PFKFB3: variants seen among roughly 807,000 people sequenced by gnomAD.
PFKFB3 encodes the protein 6-phosphofructo-2-kinase/fructose-2,6-biphosphatase 3, also known as 6-phosphofructo-2-kinase/fructose-2,6-bisphosphatase 3.
A neutral mutation model predicts 68.0 loss-of-function variants in PFKFB3; 33 were observed. The observed-to-expected ratio is 0.49, with a 90% CI of 0.37 to 0.65. The LOEUF is 0.65. Ranked by LOEUF, PFKFB3 falls within the 30% of genes least tolerant of loss-of-function variation. The pLI is 0.00. For synonymous variants in PFKFB3, 315 were observed against 288.2 expected, an observed-to-expected ratio of 1.09 and a Z score of -0.94; for missense variants, 586 against 712.2, an observed-to-expected ratio of 0.82 and a Z score of 2.02.
chr10:6,162,947 A>C (rs1842010302), intron 1 of PFKFB3, among the ~76,000 whole-genome samples: 1 of 152,128 alleles, frequency 6.6e-6, no homozygotes, highest in Non-Finnish European at 1.5e-5. Flanking sequence ...TTTTTCATGG[A>C]TGGAGCTGGG....
intron 1 of PFKFB3, among the ~76,000 whole-genome samples, chr10:6,179,964 C>G (rs554441052): frequency 6.6e-6 from 1 of 152,210 alleles, no homozygotes; most frequent in Non-Finnish European, 1.5e-5. Context: ...GAGGTCGATC[C>G]TGGTGACAGG....
rs958723789 is a variant in PFKFB3 at position 6,222,948 on chromosome 10, C to T, written c.1177C>T (p.Arg393Cys). Reference protein sequence around the residue: ...VLVICHQAVLRCLLAYFLDKS... With the variant: ...VLVICHQAVLCCLLAYFLDKS... ...GGTCATCTGCCACCAGGCCGTCCTG[C>T]GCTGCCTGCTTGCCTACTTCCTGGA... Residue 393 changes from arginine to cysteine, a missense_variant, in exon 11 of 15, where the codon CGC (arginine) becomes TGC (cysteine). Coordinates refer to ENST00000379775, the MANE Select transcript of PFKFB3 (RefSeq NM_004566.4). 8 of 1,613,644 alleles carry T rather than the reference C, an allele frequency of 5.0e-6. No individual in the cohort carries two copies. The highest frequency in any genetic ancestry group is 1.1e-5 in the South Asian group (1 of 91,050).
intron 1 of PFKFB3, among the ~76,000 whole-genome samples, chr10:6,165,970 A>G (rs1182381777): frequency 4.1e-5 from 6 of 145,242 alleles, no homozygotes; most frequent in Non-Finnish European, 7.5e-5. Flanking sequence ...GTGGATCACC[A>G]GGCTCAACTT....
intron 14 of PFKFB3, among the ~76,000 whole-genome samples, chr10:6,246,734 C>T (rs561956366): frequency 6.6e-5 from 10 of 152,240 alleles, no homozygotes; most frequent in African/African-American, 2.4e-4. Context: ...TTGCATGATG[C>T]TGAAGCTTGG....
the PFKFB3 span, among the ~76,000 whole-genome samples, chr10:6,271,456 C>T: frequency 3.9e-5 from 6 of 152,160 alleles, no homozygotes; most frequent in Non-Finnish European, 5.9e-5. Context: ...GGATGAAGAG[C>T]CTGGTAGCAG....
At chr10:6,301,212 C>T in the PFKFB3 span, among the ~76,000 whole-genome samples, 1 of 152,102 alleles carries the variant, frequency 6.6e-6, no homozygotes, top group African/African-American at 2.4e-5. Context: ...GGAATGGTGA[C>T]TTGGAATTGA....
rs778078199 is a variant in PFKFB3 at position 6,232,934 on chromosome 10, A to T, written c.1555A>T (p.Lys519Ter). The T allele has an allele frequency of 3.7e-6, 6 of 1,612,410 alleles. No homozygotes were observed. In the South Asian group the frequency reaches 4.4e-5, roughly 12 times the overall value. ...CCGGAGCAGCGCTGACTCCTCCAGG[A>T]AACACTGAGGCAGACGTGTCGGTTC... Reference protein sequence around the residue: ...GSRSSADSSRKH With the variant: ...GSRSSADSSR The change falls in exon 15 of 15, where the codon AAA becomes TAA. Residue 519 changes from lysine (K) to a stop codon, truncating the protein, a stop_gained. Transcript: ENST00000379775. LOFTEE classifies it high-confidence loss of function.
intron 5 of PFKFB3, 97 bp downstream of exon 5, chr10:6,216,877 GC>G (rs5782881): frequency 0.97 from 861,860 of 888,080 alleles, 422,240 homozygotes; most frequent in East Asian, 1. Flanking sequence ...CCCTCCTGCT[GC>G]CCATGTTCCT....
downstream of PFKFB3, among the ~76,000 whole-genome samples, chr10:6,259,542 T>TCCATCCATC (rs1846521143): frequency 1.1e-4 from 15 of 137,980 alleles, no homozygotes; most frequent in African/African-American, 3.9e-4. Flanking sequence ...ATCCATCTGC[T>TCCATCCATC]CATCCATCCA....
rs1428791279 is a variant in PFKFB3 at position 6,216,724 on chromosome 10, A to G, written c.385A>G (p.Thr129Ala). 6.2e-7 allele frequency: 1 copy of G among 1,612,794 alleles called. No homozygotes were observed. Among genetic ancestry groups the G allele is most frequent in the Non-Finnish European group, 8.5e-7 (1 of 1,178,774 alleles). The change falls in exon 5 of 15, where the codon ACT (threonine) becomes GCT (alanine). Residue 129 changes from threonine to alanine, a missense_variant. Thr to Ala is a moderately conservative substitution (Grantham distance 58). Coordinates refer to ENST00000379775, the MANE Select transcript of PFKFB3 (RefSeq NM_004566.4). Reference protein sequence around the residue: ...GQIAVFDATNTTRERRHMILH... With the variant: ...GQIAVFDATNATRERRHMILH... The stretch of plus-strand genomic sequence containing the variant: ...ATATCAGGTTTTCGATGCCACCAAT[A>G]CTACTAGAGAGAGGAGACACATGAT...
chr10:6,240,358 G>T (rs1424419770), downstream of PFKFB3, among the ~76,000 whole-genome samples: 1 of 152,080 alleles, frequency 6.6e-6, no homozygotes, highest in Non-Finnish European at 1.5e-5. Flanking sequence ...TCCGCCTCCT[G>T]GGTTCAAGCG....
chr10:6,301,100 G>A, the PFKFB3 span, among the ~76,000 whole-genome samples: 1 of 152,142 alleles, frequency 6.6e-6, no homozygotes, highest in Non-Finnish European at 1.5e-5. Context: ...CGTGGGCCAT[G>A]TGAACATGAG....
the PFKFB3 span, among the ~76,000 whole-genome samples, chr10:6,317,208 A>T: frequency 3.3e-5 from 5 of 152,170 alleles, no homozygotes; most frequent in Non-Finnish European, 7.3e-5. Context: ...CAAGAGTTAT[A>T]ACTCTAGCAA....
At chr10:6,156,557 A>G (rs1479442087) in intron 1 of PFKFB3, among the ~76,000 whole-genome samples, 1 of 150,720 alleles carries the variant, frequency 6.6e-6, no homozygotes, top group African/African-American at 2.4e-5. Flanking sequence ...GCCCAGGCTG[A>G]TGTGCAGTGG....
intron 10 of PFKFB3, among the ~76,000 whole-genome samples, chr10:6,222,248 C>T (rs1449990781): frequency 6.6e-6 from 1 of 152,218 alleles, no homozygotes; most frequent in Non-Finnish European, 1.5e-5. Context: ...CACACCGGGG[C>T]CCTGGTTAGC....
intron 14 of PFKFB3, among the ~76,000 whole-genome samples, chr10:6,232,219 C>T (rs1355956257): frequency 6.9e-6 from 1 of 144,942 alleles, no homozygotes; most frequent in African/African-American, 2.6e-5. Flanking sequence ...AGTTGTGTTC[C>T]TCGCTGATTT....
chr10:6,220,633 G>A lies in PFKFB3; in HGVS notation c.624-25G>A, dbSNP rs1844886885. On this transcript the variant is annotated intron_variant, in intron 7 of 14. Coordinates refer to ENST00000379775, the MANE Select transcript of PFKFB3 (RefSeq NM_004566.4). The surrounding 1 kb of genome is among the most constrained non-coding windows in gnomAD (Gnocchi z 4.1). Reference sequence around the variant, plus strand: ...TGCTGTGGGTGGTGGCCTGAGCTGTGGTTCTCGGTGGGGTCTCTCTGCAGG... The same window carrying A: ...TGCTGTGGGTGGTGGCCTGAGCTGTAGTTCTCGGTGGGGTCTCTCTGCAGG... 6.2e-7 allele frequency: 1 copy of A among 1,609,268 alleles called. No individual in the cohort carries two copies. Among genetic ancestry groups the A allele is most frequent in the Non-Finnish European group, 8.5e-7 (1 of 1,176,860 alleles).
chr10:6,167,524 C>T (rs1294992304), intron 1 of PFKFB3, among the ~76,000 whole-genome samples: 1 of 152,210 alleles, frequency 6.6e-6, no homozygotes, highest in Non-Finnish European at 1.5e-5. Context: ...GCCATTTTAA[C>T]ATCTCTTGAG....
At chr10:6,260,648 G>A in the PFKFB3 span, among the ~76,000 whole-genome samples, 1 of 152,044 alleles carries the variant, frequency 6.6e-6, no homozygotes, top group Non-Finnish European at 1.5e-5. Flanking sequence ...AAATCACATT[G>A]TATGTATCTT....
Sources: gnomAD v4.1 joint callset for allele counts (sites outside exome capture counted in the v4.1 genomes callset) on GRCh38, gnomAD v4.1.1 for gene constraint, Gnocchi (gnomAD v3.1) non-coding constraint, MANE v1.5 for transcripts, NCBI Gene and HGNC (gene_info 2026-07-23, HGNC 2026-07-21) for gene names.